The following DEF8 variants were observed in gnomAD, a reference collection of about 807,000 sequenced individuals.
DEF8 encodes differentially expressed in FDCP 8 homolog.
In DEF8, 38 loss-of-function variants were observed where a neutral mutation model predicts 59.1. The ratio of observed to expected loss-of-function variants is 0.64; its 90% CI spans 0.50 to 0.84. DEF8 has a LOEUF of 0.84. Ranked by LOEUF, DEF8 falls within the 40% of genes least tolerant of loss-of-function variation. The pLI, the probability that DEF8 is intolerant of heterozygous loss-of-function variation, is 0.00. For synonymous variants in DEF8, 265 were observed against 250.1 expected, an observed-to-expected ratio of 1.06 and a Z score of -0.56; for missense variants, 557 against 615.2, an observed-to-expected ratio of 0.91 and a Z score of 1.00.
rs2034643007 is a variant in DEF8, at chr16:89,967,106, A to G, written c.*1143A>G. On this transcript the variant is annotated 3_prime_UTR_variant, in exon 13 of 13. Coordinates refer to ENST00000563594, the MANE Select transcript of DEF8 (RefSeq NM_001242818.2). ...TTGCACTTTACAGATCCTGCGGTCC[A>G]CGAGGGGCCTCAGGAGAGGACGTGT... The G allele has an allele frequency of 7.6e-6, 3 of 395,340 alleles. No individual in the cohort carries two copies. In the South Asian group the frequency reaches 4.3e-4, roughly 57 times the overall value. 24.5% of individuals were successfully genotyped at this position (395,340 alleles called of 1,614,324 possible).
In DEF8 at chr16:89,955,261, C is replaced by T. The variant is rs1235121733; in HGVS notation, c.217C>T (p.Pro73Ser). The change falls in exon 4 of 13, where the codon CCT becomes TCT. Residue 73 changes from proline to serine, a missense_variant. Coordinates refer to ENST00000563594, the MANE Select transcript of DEF8 (RefSeq NM_001242818.2). ...LGLSEDHFSR[P>S]VGLFLASDVQ... ...CCTGTCTGAGGACCACTTCTCCCGC[C>T]CTGTGGTAAGGTTTTAGATCTCGGA... 1 of 1,613,448 alleles carries T rather than the reference C, an allele frequency of 6.2e-7. No individual in the cohort carries two copies. The highest frequency in any genetic ancestry group is 8.5e-7 in the Non-Finnish European group (1 of 1,179,652).
chr16:89,960,567 C>A (rs1474662461), intron 6 of DEF8, among the ~76,000 whole-genome samples: 1 of 150,920 alleles, frequency 6.6e-6, no homozygotes, highest in African/African-American at 2.4e-5. Context: ...TTCAGGATAA[C>A]TCATGATATT....
intron 9 of DEF8, 25 bp from the exon 10 acceptor site, chr16:89,963,338 C>A: frequency 2.5e-6 from 4 of 1,609,880 alleles, no homozygotes; most frequent in Non-Finnish European, 3.4e-6. Flanking sequence ...CTGAGGAGGC[C>A]TGCCTGCTCC....
At position 89,958,984 on chromosome 16, in the gene DEF8, G is replaced by T. The variant is rs763451955; in HGVS notation, c.373-30G>T. The stretch of plus-strand genomic sequence containing the variant: ...AAAGGAACTTCAGCCCAGCTCACCT[G>T]TGACCCCCTCCCTGACTCACCCTCT... On this transcript the variant is annotated intron_variant, in intron 5 of 12. Coordinates refer to ENST00000563594, the MANE Select transcript of DEF8 (RefSeq NM_001242818.2). The T allele has an allele frequency of 1.1e-5, 18 of 1,605,100 alleles. No homozygotes were observed. In the Admixed American group the frequency reaches 3.0e-4, roughly 27 times the overall value.
chr16:89,959,072 A>G lies in DEF8; in HGVS notation c.431A>G (p.Glu144Gly), dbSNP rs1334510175. Reference protein sequence around the residue: ...RVLLEHRFYKEKSKSVKQTCD... With the variant: ...RVLLEHRFYKGKSKSVKQTCD... ...CTCCTTGAGCACCGCTTTTACAAGG[A>G]GAAGAGCAAGAGCGTCAAGCAGACC... The change falls in exon 6 of 13, where the codon GAG becomes GGG. Residue 144 changes from glutamate (E) to glycine (G), a missense_variant. Transcript: ENST00000563594. 5.6e-6 allele frequency: 9 copies of G among 1,613,812 alleles called. No homozygotes were observed. Among genetic ancestry groups the G allele is most frequent in the Non-Finnish European group, 7.6e-6 (9 of 1,180,018 alleles).
chr16:89,958,922 G>T (rs1195864386), intron 5 of DEF8, 92 bp from the exon 6 acceptor site: 1 of 1,553,132 alleles, frequency 6.4e-7, no homozygotes, highest in African/African-American at 1.4e-5. Context: ...CCTAAATGGT[G>T]CCTGGAAGAA....
intron 2 of DEF8, chr16:89,950,390 AT>A (rs370010270): frequency 0.34 from 273,365 of 806,060 alleles, 3,939 homozygotes; most frequent in Middle Eastern, 0.37. Context: ...ATCAGGGCTG[AT>A]TTTTTTTTTT....
intron 3 of DEF8, 37 bp from the exon 4 acceptor site, chr16:89,955,132 C>A: frequency 6.6e-7 from 1 of 1,521,998 alleles, no homozygotes; most frequent in Non-Finnish European, 9.1e-7. Flanking sequence ...CAGGAGGTAG[C>A]AGCTGACGCT....
intron 5 of DEF8, among the ~76,000 whole-genome samples, 177 bp from the exon 6 acceptor site, chr16:89,958,837 T>C (rs928060867): frequency 4.6e-5 from 7 of 152,242 alleles, no homozygotes; most frequent in African/African-American, 1.7e-4. Flanking sequence ...TTGGCGGTCC[T>C]TGTCCAGCTG....
chr16:89,955,033 C>G (rs1023343328), intron 3 of DEF8, 136 bp from the exon 4 acceptor site: 2 of 658,312 alleles, frequency 3.0e-6, no homozygotes, highest in African/African-American at 1.8e-5. Context: ...TGAGTGGTGC[C>G]CAGCTCTCAC....
intron 3 of DEF8, 46 bp from the exon 4 acceptor site, chr16:89,955,123 A>C (rs771598918): frequency 6.8e-7 from 1 of 1,467,110 alleles, no homozygotes; most frequent in African/African-American, 1.4e-5. Flanking sequence ...GATGGGAGGC[A>C]GGAGGTAGCA....
Position 89,961,105 on chromosome 16 carries a change from G to A in DEF8, c.679+10G>A. ...GCGCCCATCTCTCTGCGTGAGTGGTGGCAGGGAGAGAAGAGGGTGAGGGAG... is the reference window on the plus strand; with the variant it reads ...GCGCCCATCTCTCTGCGTGAGTGGTAGCAGGGAGAGAAGAGGGTGAGGGAG... On this transcript the variant is annotated intron_variant, in intron 7 of 12. Coordinates refer to ENST00000563594, the MANE Select transcript of DEF8 (RefSeq NM_001242818.2). The A allele has an allele frequency of 1.9e-6, 3 of 1,606,744 alleles. No individual in the cohort carries two copies. The highest frequency in any genetic ancestry group is 2.6e-6 in the Non-Finnish European group (3 of 1,174,182).
chr16:89,959,733 G>A (rs2033771991), intron 6 of DEF8, among the ~76,000 whole-genome samples: 2 of 152,200 alleles, frequency 1.3e-5, no homozygotes, highest in African/African-American at 4.8e-5. Flanking sequence ...TCCTGATCTT[G>A]TGTTCCGTCC....
chr16:89,960,264 C>T (rs2033846891), intron 6 of DEF8, among the ~76,000 whole-genome samples: 1 of 152,092 alleles, frequency 6.6e-6, no homozygotes. Context: ...AGGGGGATGA[C>T]TCTGATTGGG....
chr16:89,958,912 C>T (rs62052241), intron 5 of DEF8, 102 bp from the exon 6 acceptor site: 117,503 of 1,542,546 alleles, frequency 0.076, 5,284 homozygotes, highest in East Asian at 0.18. Flanking sequence ...CAATCTCTGC[C>T]CTAAATGGTG....
At chr16:89,953,653 G>A (rs1360361775) in intron 2 of DEF8, among the ~76,000 whole-genome samples, 2 of 152,322 alleles carry the variant, frequency 1.3e-5, no homozygotes, top group East Asian at 3.9e-4. Flanking sequence ...CCTGGGCATG[G>A]GGAAGGTGGG....
chr16:89,962,114 G>C lies in DEF8; in HGVS notation c.910G>C (p.Val304Leu). Reference protein sequence around the residue: ...PLLFSYVEELVEIRKLRQDIL... With the variant: ...PLLFSYVEELLEIRKLRQDIL... Reference sequence around the variant, plus strand: ...GCTGTTCAGCTACGTGGAGGAGCTGGTGGAGATTCGCGTGAGGCTGGGGCC... The same window carrying C: ...GCTGTTCAGCTACGTGGAGGAGCTGCTGGAGATTCGCGTGAGGCTGGGGCC... Residue 304 changes from valine (V) to leucine (L), a missense_variant, in exon 9 of 13, where the codon GTG (valine) becomes CTG (leucine). Physicochemically the swap from Val to Leu is conservative, Grantham distance 32. Transcript: ENST00000563594. 6.2e-7 allele frequency: 1 copy of C among 1,613,712 alleles called. No individual in the cohort carries two copies. The highest frequency in any genetic ancestry group is 8.5e-7 in the Non-Finnish European group (1 of 1,179,762).
chr16:89,959,727 G>A (rs955606326), intron 6 of DEF8, among the ~76,000 whole-genome samples: 1 of 152,240 alleles, frequency 6.6e-6, no homozygotes, highest in African/African-American at 2.4e-5. Context: ...TCTATCTCCT[G>A]ATCTTGTGTT....
intron 2 of DEF8, among the ~76,000 whole-genome samples, chr16:89,952,099 G>C (rs1225985888): frequency 1.3e-5 from 2 of 152,028 alleles, no homozygotes; most frequent in Non-Finnish European, 2.9e-5. Context: ...GGATGGTTTC[G>C]ATCTCCTGAC....
Sources: gnomAD v4.1 joint callset for allele counts (sites outside exome capture counted in the v4.1 genomes callset) on GRCh38, gnomAD v4.1.1 for gene constraint, MANE v1.5 for transcripts, NCBI Gene and HGNC (gene_info 2026-07-23, HGNC 2026-07-21) for gene names.